Variants in EFCAB11 observed in about 807,000 individuals in gnomAD.
The protein encoded by EFCAB11 is EF-hand calcium-binding domain-containing protein 11.
In EFCAB11, 14 loss-of-function variants were observed where a neutral mutation model predicts 23.0. That is an observed-to-expected ratio of 0.61 (90% CI 0.40 to 0.95). The LOEUF (loss-of-function observed/expected upper bound fraction) is 0.95, where lower values mean the gene tolerates loss of function less well. EFCAB11 is among the 40% of genes least tolerant of loss of function. EFCAB11 has a pLI of 0.00. For missense variants in EFCAB11, 198 were observed against 195.8 expected (o/e 1.01, Z -0.07); for synonymous variants, 65 against 66.6 (o/e 0.98, Z 0.11).
intron 5 of EFCAB11, chr14:89,836,787 G>C: frequency 2.5e-6 from 1 of 406,880 alleles, no homozygotes; most frequent in South Asian, 1.8e-5. Context: ...GGGAGGCTGA[G>C]GTGGGCAGAT....
At chr14:89,816,030 T>C (rs1262827165) in intron 5 of EFCAB11, among the ~76,000 whole-genome samples, 3 of 152,246 alleles carry the variant, frequency 2.0e-5, no homozygotes, top group Admixed American at 6.5e-5. Flanking sequence ...ATGGGGTATC[T>C]ATTTTTTGTG....
At chr14:89,894,043 G>C (rs1056635106) in intron 5 of EFCAB11, among the ~76,000 whole-genome samples, 1 of 151,630 alleles carries the variant, frequency 6.6e-6, no homozygotes, top group Non-Finnish European at 1.5e-5. Context: ...GCAGTGGCGC[G>C]ATCTCGGCTC....
rs1037382858 is a variant in EFCAB11 at position 89,796,830 on chromosome 14, C to T, written c.*413G>A. 3 of 159,380 alleles carry T rather than the reference C, an allele frequency of 1.9e-5. No individual in the cohort carries two copies. Among genetic ancestry groups the T allele is most frequent in the Non-Finnish European group, 4.1e-5 (3 of 72,380 alleles). The allele number at this position is 159,380 out of a possible 1,614,324, so 9.9% of individuals were successfully genotyped here. A position where few individuals can be genotyped will look rare whatever the true frequency, so the allele number is the denominator to read the frequency against. On this transcript the variant is annotated 3_prime_UTR_variant, in exon 6 of 6. Coordinates refer to ENST00000316738, the MANE Select transcript of EFCAB11 (RefSeq NM_145231.4). ...AAGTGAGTGAGTAGAGCACCGTGGC[C>T]TGCAGTGTGGAGAGGGTAGGGGGCA...
chr14:89,916,903 T>C (rs1175504701), intron 5 of EFCAB11, among the ~76,000 whole-genome samples: 4 of 152,192 alleles, frequency 2.6e-5, no homozygotes, highest in African/African-American at 9.7e-5. Context: ...ATGTCATGAG[T>C]CTCACTAAGT....
chr14:89,925,428 TCTTA>T lies in EFCAB11; in HGVS notation c.410+6109_410+6112del, dbSNP rs569878265. Among the ~76,000 whole-genome samples the T allele has an allele frequency of 1.3e-4, 20 of 152,314 alleles. No individual in the cohort carries two copies. In the South Asian group the frequency reaches 2.9e-3, roughly 22 times the overall value. On this transcript the variant is annotated intron_variant, in intron 5 of 5. Transcript: ENST00000316738. Reference sequence around the variant, plus strand: ...ATTAGTGTTAAAGAGGAAAGATGTTTCTTACTTAACTTTTAATTGCTCAAAACAC... The same window carrying T: ...ATTAGTGTTAAAGAGGAAAGATGTTTCTTAACTTTTAATTGCTCAAAACAC...
intron 5 of EFCAB11, among the ~76,000 whole-genome samples, chr14:89,913,781 AT>A (rs560179528): frequency 5.9e-5 from 9 of 152,030 alleles, no homozygotes; most frequent in Admixed American, 1.3e-4. Context: ...CAAAGTTAAA[AT>A]TTTTTTTACA....
At chr14:89,901,965 T>C (rs182425686) in intron 5 of EFCAB11, among the ~76,000 whole-genome samples, 8 of 151,492 alleles carry the variant, frequency 5.3e-5, no homozygotes, top group Admixed American at 3.9e-4. Context: ...AAAAAAAAAA[T>C]CCAAAATCCA....
intron 5 of EFCAB11, among the ~76,000 whole-genome samples, chr14:89,915,502 CTG>C (rs1318640523): frequency 2.6e-5 from 4 of 152,204 alleles, no homozygotes; most frequent in Non-Finnish European, 4.4e-5. Context: ...GGCTCTCAAT[CTG>C]TTTGGTTCAT....
At chr14:89,939,077 A>G (rs1890697788) in intron 3 of EFCAB11, among the ~76,000 whole-genome samples, 1 of 151,958 alleles carries the variant, frequency 6.6e-6, no homozygotes. Context: ...TATTATACAC[A>G]TCTCCTGCTC....
At chr14:89,916,836 G>A (rs985450984) in intron 5 of EFCAB11, among the ~76,000 whole-genome samples, 7 of 152,006 alleles carry the variant, frequency 4.6e-5, no homozygotes, top group Non-Finnish European at 1.0e-4. Flanking sequence ...ATAAGACTTG[G>A]GTTAAGAAAA....
At chr14:89,818,654 G>A (rs561628559) in intron 5 of EFCAB11, among the ~76,000 whole-genome samples, 1 of 152,180 alleles carries the variant, frequency 6.6e-6, no homozygotes, top group South Asian at 2.1e-4. Context: ...ACCTGATAAA[G>A]CAATACATAA....
intron 5 of EFCAB11, chr14:89,924,454 C>T: frequency 7.3e-7 from 1 of 1,363,640 alleles, no homozygotes; most frequent in Non-Finnish European, 9.5e-7. Flanking sequence ...GCAAAAGCAG[C>T]TTCCCAGAGC....
At chr14:89,903,520 G>GT (rs1208489891) in intron 5 of EFCAB11, among the ~76,000 whole-genome samples, 1 of 151,254 alleles carries the variant, frequency 6.6e-6, no homozygotes. Flanking sequence ...AGCAAAGGCT[G>GT]TTTTGCTATT....
rs1198149097 is a variant in EFCAB11, at chr14:89,794,754, TAA to T, written c.*2487_*2488del. 1 of 152,222 alleles carries T rather than the reference TAA, an allele frequency of 6.6e-6. No homozygotes were observed. The allele number at this position is 152,222 out of a possible 1,614,324, so 9.4% of individuals were successfully genotyped here. A position where few individuals can be genotyped will look rare whatever the true frequency, so the allele number is the denominator to read the frequency against. On this transcript the variant is annotated 3_prime_UTR_variant, in exon 6 of 6. Transcript: ENST00000316738. ...AAAGTTTAGTTTAACAGGTTTTGAA[TAA>T]GACTTTATTTTTTAAATGAATTTTT...
Position 89,814,153 on chromosome 14 carries a change from G to A in EFCAB11, c.411-16829C>T, listed in dbSNP as rs141067276. On this transcript the variant is annotated intron_variant, in intron 5 of 5. Coordinates refer to ENST00000316738, the MANE Select transcript of EFCAB11 (RefSeq NM_145231.4). ...AATAACTCTGAACTTGGTGTTCAGCGCTACAACCTCTAGAGCACTGTACAG... is the reference window on the plus strand; with the variant it reads ...AATAACTCTGAACTTGGTGTTCAGCACTACAACCTCTAGAGCACTGTACAG... Among the ~76,000 whole-genome samples, 249 of 150,670 alleles carry A rather than the reference G, an allele frequency of 1.7e-3. 2 individuals are homozygous for A. Among genetic ancestry groups the A allele is most frequent in the African/African-American group, 5.9e-3 (240 of 40,984 alleles).
intron 5 of EFCAB11, among the ~76,000 whole-genome samples, chr14:89,843,580 A>T (rs1887339151): frequency 6.6e-6 from 1 of 152,230 alleles, no homozygotes; most frequent in African/African-American, 2.4e-5. Flanking sequence ...CTTGTGCTAC[A>T]CTGTAACTCA....
intron 5 of EFCAB11, among the ~76,000 whole-genome samples, chr14:89,860,219 C>G (rs1362651997): frequency 1.3e-5 from 2 of 152,128 alleles, no homozygotes; most frequent in African/African-American, 4.8e-5. Context: ...CAAAAACTAG[C>G]TGGGTGTGGT....
At chr14:89,867,007 G>C (rs990666573) in intron 5 of EFCAB11, among the ~76,000 whole-genome samples, 10 of 152,164 alleles carry the variant, frequency 6.6e-5, no homozygotes, top group African/African-American at 2.4e-4. Flanking sequence ...CTGACCTCAA[G>C]TGATCTGTCT....
Position 89,860,366 on chromosome 14 carries a change from A to AAAACAAAC in EFCAB11, c.411-63050_411-63043dup, listed in dbSNP as rs372088634. ...GCGACAAGAGTGAAAACTCCATCTC[A>AAAACAAAC]AAACAAACAAACAAACAAACAAACA... On this transcript the variant is annotated intron_variant, in intron 5 of 5. Transcript: ENST00000316738. Among the ~76,000 whole-genome samples, 1,170 of 151,534 alleles carry AAAACAAAC rather than the reference A, an allele frequency of 7.7e-3. 10 individuals are homozygous for AAAACAAAC. The highest frequency in any genetic ancestry group is 0.014 in the African/African-American group (582 of 40,944).
Sources: allele counts gnomAD v4.1 joint callset (sites outside exome capture counted in the v4.1 genomes callset), GRCh38; gene constraint gnomAD v4.1.1; transcripts MANE v1.5; gene names NCBI Gene and HGNC (gene_info 2026-07-23, HGNC 2026-07-21).